The following PLCE1 variants were observed in gnomAD, a reference collection of about 807,000 sequenced individuals.
The protein encoded by PLCE1 is 1-phosphatidylinositol 4,5-bisphosphate phosphodiesterase epsilon-1.
PLCE1 carries 119 observed loss-of-function variants against 242.8 expected under a neutral mutation model. The observed-to-expected ratio is 0.49, with a 90% CI of 0.42 to 0.57. PLCE1 has a LOEUF of 0.57. PLCE1 is among the 20% of genes least tolerant of loss of function. PLCE1 has a pLI of 0.00. For synonymous variants in PLCE1, 945 were observed against 1,017.4 expected (o/e 0.93, Z 1.35); for missense variants, 2,441 against 2,788.8 (o/e 0.88, Z 2.81).
At chr10:94,128,627 G>A (rs2046505013) in intron 2 of PLCE1, among the ~76,000 whole-genome samples, 1 of 152,104 alleles carries the variant, frequency 6.6e-6, no homozygotes, top group Non-Finnish European at 1.5e-5. Context: ...ATAGTTTCTT[G>A]GAGGTGATTT....
intron 11 of PLCE1, 124 bp from the exon 12 acceptor site, chr10:94,258,676 G>T: frequency 9.2e-7 from 1 of 1,089,374 alleles, no homozygotes; most frequent in East Asian, 2.4e-5. Context: ...CTGGAAAATA[G>T]CTTCAATCTT....
chr10:94,014,708 C>T (rs1440950500), intron 1 of PLCE1, among the ~76,000 whole-genome samples: 1 of 152,176 alleles, frequency 6.6e-6, no homozygotes, highest in African/African-American at 2.4e-5. Flanking sequence ...AAAGCCTCTG[C>T]TCTGATGTGT....
chr10:94,130,974 C>T (rs1026863887), intron 2 of PLCE1, among the ~76,000 whole-genome samples: 4 of 152,194 alleles, frequency 2.6e-5, no homozygotes, highest in Non-Finnish European at 5.9e-5. Context: ...ACTCTAAGCT[C>T]TTGGCTTTTC....
At chr10:94,138,231 G>T in intron 3 of PLCE1, 1 of 328,406 alleles carries the variant, frequency 3.0e-6, no homozygotes, top group Non-Finnish European at 6.0e-6. Context: ...GAATCACCAG[G>T]GGGTGCTGCA....
intron 2 of PLCE1, among the ~76,000 whole-genome samples, chr10:94,043,085 C>A (rs542359745): frequency 6.6e-6 from 1 of 152,272 alleles, no homozygotes; most frequent in African/African-American, 2.4e-5. Flanking sequence ...GGAAAAAGAT[C>A]TAAGCGTGTT....
intron 7 of PLCE1, among the ~76,000 whole-genome samples, chr10:94,242,545 A>C (rs192796809): frequency 6.6e-6 from 1 of 152,144 alleles, no homozygotes; most frequent in Non-Finnish European, 1.5e-5. Flanking sequence ...TCCTGGCCTC[A>C]AGAGATTCAC....
chr10:94,027,212 A>G (rs1161865639), intron 1 of PLCE1, among the ~76,000 whole-genome samples: 3 of 152,148 alleles, frequency 2.0e-5, no homozygotes, highest in African/African-American at 4.8e-5. Flanking sequence ...CTCCCACCCC[A>G]TCAGCACTGT....
At chr10:94,142,993 A>C (rs753471468) in intron 3 of PLCE1, among the ~76,000 whole-genome samples, 1 of 152,250 alleles carries the variant, frequency 6.6e-6, no homozygotes, top group Non-Finnish European at 1.5e-5. Context: ...TTTACCCACA[A>C]ATGGAGGAAA....
intron 11 of PLCE1, among the ~76,000 whole-genome samples, chr10:94,256,579 T>A (rs553958430): frequency 1.3e-5 from 2 of 152,248 alleles, no homozygotes; most frequent in African/African-American, 2.4e-5. Context: ...GTTACAAAAA[T>A]CAGAATCCTG....
At chr10:94,188,924 A>G in intron 4 of PLCE1, among the ~76,000 whole-genome samples, 1 of 151,548 alleles carries the variant, frequency 6.6e-6, no homozygotes, top group East Asian at 1.9e-4. Context: ...ATTTTGATAG[A>G]CATTCCTAGA....
At chr10:94,049,576 CCTGTCTGT>C (rs549659993) in intron 2 of PLCE1, among the ~76,000 whole-genome samples, 1 of 151,908 alleles carries the variant, frequency 6.6e-6, no homozygotes, top group Non-Finnish European at 1.5e-5. Context: ...CTTTAGTTAC[CCTGTCTGT>C]CTGTCTGTCT....
intron 2 of PLCE1, among the ~76,000 whole-genome samples, chr10:94,051,182 C>T (rs903745244): frequency 2.0e-5 from 3 of 148,090 alleles, no homozygotes; most frequent in African/African-American, 7.5e-5. Context: ...GACAAGATAT[C>T]TGAATACACT....
intron 8 of PLCE1, among the ~76,000 whole-genome samples, chr10:94,248,447 A>C (rs2050763742): frequency 6.6e-6 from 1 of 152,134 alleles, no homozygotes; most frequent in African/African-American, 2.4e-5. Flanking sequence ...CTAAAAATAC[A>C]AAAAATTAGT....
intron 20 of PLCE1, among the ~76,000 whole-genome samples, chr10:94,282,496 C>T (rs2052277366): frequency 1.3e-5 from 2 of 152,110 alleles, no homozygotes; most frequent in Admixed American, 6.6e-5. Flanking sequence ...TGTTTCTGTA[C>T]ATTTGAAATG....
chr10:94,016,616 G>A (rs993039309), intron 1 of PLCE1, among the ~76,000 whole-genome samples: 1 of 152,004 alleles, frequency 6.6e-6, no homozygotes, highest in Non-Finnish European at 1.5e-5. Context: ...TAATGAAGCA[G>A]GATAAAAACA....
At chr10:94,309,313 T>G (rs1365690233) in intron 27 of PLCE1, among the ~76,000 whole-genome samples, 1 of 150,896 alleles carries the variant, frequency 6.6e-6, no homozygotes, top group African/African-American at 2.4e-5. Context: ...AGTTGCAGAA[T>G]CTGCTTTTTT....
intron 21 of PLCE1, among the ~76,000 whole-genome samples, chr10:94,284,518 T>C (rs2052366244): frequency 6.6e-6 from 1 of 152,192 alleles, no homozygotes; most frequent in African/African-American, 2.4e-5. Flanking sequence ...GTGACATTGT[T>C]GGACAATGGA....
In PLCE1 at chr10:94,078,554, C is replaced by G. The variant is rs534242315; in HGVS notation, c.1206+46302C>G. ...CTAGGCTGGAATGCAGTGGTGCGAT[C>G]TCAACTCACTGCAACCTCCCCTCCC... On this transcript the variant is annotated intron_variant, in intron 2 of 32. Transcript: ENST00000371380. Among the ~76,000 whole-genome samples, 16 of 151,916 alleles carry G rather than the reference C, an allele frequency of 1.1e-4. No individual in the cohort carries two copies. In the South Asian group the frequency reaches 3.3e-3, roughly 32 times the overall value.
At chr10:94,018,911 G>T (rs765928489) in intron 1 of PLCE1, among the ~76,000 whole-genome samples, 2 of 152,134 alleles carry the variant, frequency 1.3e-5, no homozygotes, top group Non-Finnish European at 2.9e-5. Context: ...ACACAAAACA[G>T]TAAGTGTACA....
Sources: gnomAD v4.1 joint callset for allele counts (sites outside exome capture counted in the v4.1 genomes callset) on GRCh38, gnomAD v4.1.1 for gene constraint, MANE v1.5 for transcripts, NCBI Gene and HGNC (gene_info 2026-07-23, HGNC 2026-07-21) for gene names.